The following DYSF variants were observed in gnomAD, a reference collection of about 807,000 sequenced individuals.
DYSF encodes dystrophy-associated fer-1-like 1.
Under a neutral mutation model 274.9 loss-of-function variants are expected in DYSF, and 212 were observed. That is an observed-to-expected ratio of 0.77 (90% CI 0.69 to 0.86). The LOEUF (loss-of-function observed/expected upper bound fraction) is 0.86, where lower values mean the gene tolerates loss of function less well. DYSF is among the 40% of genes least tolerant of loss of function. The pLI, the probability that DYSF is intolerant of heterozygous loss-of-function variation, is 0.00. For synonymous variants in DYSF, 1,091 were observed against 1,078.7 expected (o/e 1.01, Z -0.22); for missense variants, 2,666 against 2,783.2 (o/e 0.96, Z 0.95).
At position 71,639,835 on chromosome 2, in the gene DYSF, C is replaced by T. The variant is rs537090316; in HGVS notation, c.4528-4130C>T. Among the ~76,000 whole-genome samples, 84 of 152,254 alleles carry T rather than the reference C, an allele frequency of 5.5e-4. 2 individuals carry two copies. The South Asian group carries it at 0.016, about 30-fold the overall frequency. On this transcript the variant is annotated intron_variant, in intron 41 of 55. Coordinates refer to ENST00000410020, the MANE Select transcript of DYSF (RefSeq NM_001130987.2). ...CTGGAATGATTGTGGCCATCCGTGC[C>T]CCACCAGCAGTTTGTAGGAGATTAG...
intron 1 of DYSF, among the ~76,000 whole-genome samples, chr2:71,473,136 C>T (rs570474308): frequency 6.6e-6 from 1 of 152,258 alleles, no homozygotes; most frequent in South Asian, 2.1e-4. Flanking sequence ...ATAGGGGAGA[C>T]AGCTGCCCAG....
intron 3 of DYSF, among the ~76,000 whole-genome samples, chr2:71,484,375 T>A (rs755661407): frequency 1.3e-5 from 2 of 152,170 alleles, no homozygotes; most frequent in Non-Finnish European, 2.9e-5. Flanking sequence ...TAAAAATTTT[T>A]AAAATCATTA....
chr2:71,471,858 T>C (rs1250234408), intron 1 of DYSF, among the ~76,000 whole-genome samples: 1 of 152,002 alleles, frequency 6.6e-6, no homozygotes, highest in Non-Finnish European at 1.5e-5. Flanking sequence ...CCCAGCTACT[T>C]GAGGGGCAGA....
At chr2:71,466,692 A>C (rs112901379), upstream of DYSF, 25,023 of 1,377,500 alleles carry the variant, frequency 0.018, 286 homozygotes, top group Non-Finnish European at 0.021. Flanking sequence ...TCTCCCAGGC[A>C]TTGGTCACTT....
chr2:71,602,802 T>A lies in DYSF; in HGVS notation c.3954T>A (p.Asp1318Glu), dbSNP rs201998440. ...TGCAGGAGACATCAAGGATCCTGGA[T>A]GAGGTGAGCTGGGCGTGGTGGTTGG... ...FEVQETSRIL[D>E]ESEDTDLPYP... Residue 1318 changes from aspartate to glutamate, a missense_variant, in exon 36 of 56, where the codon GAT (aspartate) becomes GAA (glutamate). Asp to Glu is a conservative substitution (Grantham distance 45, BLOSUM62 2). Around this residue, in one of 3 missense-constraint regions of DYSF, gnomAD observed 1,460 missense variants for 1,502.1 expected, o/e 0.97. Transcript: ENST00000410020. The A allele has an allele frequency of 3.1e-6, 5 of 1,612,710 alleles. No individual in the cohort carries two copies. The highest frequency in any genetic ancestry group is 4.2e-6 in the Non-Finnish European group (5 of 1,179,590).
intron 30 of DYSF, among the ~76,000 whole-genome samples, chr2:71,578,369 G>A (rs1161499352): frequency 6.6e-6 from 1 of 152,134 alleles, no homozygotes; most frequent in Admixed American, 6.5e-5. Context: ...TGGAGAGGGA[G>A]GTATGGCAAG....
At chr2:71,519,020 G>T (rs1292108144) in intron 10 of DYSF, among the ~76,000 whole-genome samples, 2 of 149,488 alleles carry the variant, frequency 1.3e-5, no homozygotes, top group Non-Finnish European at 3.0e-5. Flanking sequence ...TTGAACCTGG[G>T]TGGCAGAGGT....
At chr2:71,471,986 T>TA (rs946847146) in intron 1 of DYSF, among the ~76,000 whole-genome samples, 13 of 151,538 alleles carry the variant, frequency 8.6e-5, no homozygotes, top group African/African-American at 2.7e-4. Context: ...ATTAATTAAT[T>TA]AAAAAAAAAT....
At chr2:71,570,571 A>G (rs775668544) in intron 28 of DYSF, 28 bp from the exon 29 acceptor site, 1 of 1,612,034 alleles carries the variant, frequency 6.2e-7, no homozygotes, top group Non-Finnish European at 8.5e-7. Flanking sequence ...ACTGCCAAGC[A>G]ATGAGTGACC....
In DYSF at chr2:71,476,140, G is replaced by A. The variant is rs533172854; in HGVS notation, c.92-4743G>A. On this transcript the variant is annotated intron_variant, in intron 1 of 55. Transcript: ENST00000410020. Reference sequence around the variant, plus strand: ...TCAAGACTCTTTGAGCAGGTCAGAAGGTCAAAACTCCTTCACAACAACACT... The same window carrying A: ...TCAAGACTCTTTGAGCAGGTCAGAAAGTCAAAACTCCTTCACAACAACACT... Among the ~76,000 whole-genome samples, 5 of 152,132 alleles carry A rather than the reference G, an allele frequency of 3.3e-5. No homozygotes were observed. In the East Asian group the frequency reaches 9.6e-4, roughly 29 times the overall value.
chr2:71,543,942 G>GGGAGAC (rs1350252509), intron 17 of DYSF, among the ~76,000 whole-genome samples: 11 of 146,174 alleles, frequency 7.5e-5, no homozygotes, highest in African/African-American at 1.7e-4. Context: ...GAGAGGGAGA[G>GGGAGAC]GGAGACGGAG....
chr2:71,677,838 G>T (rs1458028231), intron 52 of DYSF, among the ~76,000 whole-genome samples: 1 of 152,118 alleles, frequency 6.6e-6, no homozygotes, highest in Non-Finnish European at 1.5e-5. Context: ...CCTACTCCAG[G>T]TGTGTGTGTA....
At chr2:71,573,198 T>C (rs2092583639) in intron 29 of DYSF, among the ~76,000 whole-genome samples, 1 of 152,234 alleles carries the variant, frequency 6.6e-6, no homozygotes, top group Non-Finnish European at 1.5e-5. Context: ...TCTTGCTGGC[T>C]CCAGGGAGGG....
chr2:71,658,283 T>G (rs1269807459), intron 43 of DYSF, among the ~76,000 whole-genome samples: 3 of 152,228 alleles, frequency 2.0e-5, no homozygotes, highest in Non-Finnish European at 4.4e-5. Context: ...AGCCTGGATT[T>G]TATTGTCCAT....
chr2:71,640,668 T>A (rs57979869), intron 41 of DYSF, among the ~76,000 whole-genome samples: 3 of 152,194 alleles, frequency 2.0e-5, no homozygotes, highest in African/African-American at 7.2e-5. Context: ...CCACGCCAGA[T>A]TGACTGCTGC....
intron 42 of DYSF, among the ~76,000 whole-genome samples, chr2:71,651,912 GC>G (rs2094670655): frequency 6.6e-6 from 1 of 152,184 alleles, no homozygotes; most frequent in South Asian, 2.1e-4. Flanking sequence ...TTCAGTTGGT[GC>G]TGAAAAGCAT....
intron 40 of DYSF, among the ~76,000 whole-genome samples, chr2:71,618,320 G>GT (rs2093974681): frequency 1.4e-5 from 1 of 69,708 alleles, no homozygotes; most frequent in East Asian, 4.9e-4. Context: ...GTGTGTGTGT[G>GT]GTAGAGATGG....
At chr2:71,554,066 T>G (rs1573951067) in intron 21 of DYSF, 135 bp downstream of exon 21, 1 of 1,354,144 alleles carries the variant, frequency 7.4e-7, no homozygotes, top group South Asian at 1.2e-5. Context: ...TTGTGGTTGG[T>G]GTCCTCTGTG....
intron 36 of DYSF, among the ~76,000 whole-genome samples, chr2:71,603,217 T>C (rs1419835896): frequency 1.3e-5 from 2 of 152,198 alleles, no homozygotes; most frequent in Non-Finnish European, 2.9e-5. Context: ...GTGAGAAACA[T>C]GGCTTTGGCT....
Sources: allele counts gnomAD v4.1 joint callset (sites outside exome capture counted in the v4.1 genomes callset), GRCh38; gene constraint gnomAD v4.1.1; regional missense constraint gnomAD v4.1.1; transcripts MANE v1.5; gene names NCBI Gene and HGNC (gene_info 2026-07-23, HGNC 2026-07-21).